Variants in SRPX2 observed in about 807,000 individuals in gnomAD.
SRPX2 encodes the protein sushi repeat containing protein X-linked 2.
SRPX2 carries 26 observed loss-of-function variants against 45.3 expected under a neutral mutation model. The observed-to-expected ratio is 0.57, with a 90% CI of 0.42 to 0.80. SRPX2 has a LOEUF of 0.80. SRPX2 is among the 30% of genes least tolerant of loss of function. The pLI is 0.00. For synonymous variants in SRPX2, 125 were observed against 143.7 expected (o/e 0.87, Z 0.93); for missense variants, 355 against 399.8 (o/e 0.89, Z 0.95).
chrX:100,644,874 G>A (rs1489234419), intron 1 of SRPX2, among the ~76,000 whole-genome samples: 1 of 110,984 alleles, frequency 9.0e-6, no homozygotes, highest in Non-Finnish European at 1.9e-5. Flanking sequence ...GTGGGAGAGG[G>A]GTCAGTGATT....
chrX:100,646,279 G>C lies in SRPX2; in HGVS notation c.-44G>C, dbSNP rs1357490193. The C allele has an allele frequency of 8.7e-7, 1 of 1,145,162 alleles. No individual in the cohort carries two copies. Among genetic ancestry groups the C allele is most frequent in the African/African-American group, 1.8e-5 (1 of 55,885 alleles). 94.4% of individuals were successfully genotyped at this position (1,145,162 alleles called of 1,213,427 possible). ...ACTTTCCTTTGCCCTGGTACTTCAG[G>C]CCATATACATCTTTTCTTGTCTCCA... On this transcript the variant is annotated 5_prime_UTR_variant, in exon 2 of 11. Transcript: ENST00000373004.
intron 10 of SRPX2, 33 bp downstream of exon 10, chrX:100,669,402 A>AGGGGGGGG: frequency 7.3e-5 from 2 of 27,552 alleles, no homozygotes; most frequent in Non-Finnish European, 1.2e-4. Context: ...ACTTGGGGGG[A>AGGGGGGGG]GGGGGGGCTG....
chrX:100,667,246 TCTGA>T (rs2083207560), intron 8 of SRPX2, 24 bp from the exon 9 acceptor site: 1 of 1,210,399 alleles, frequency 8.3e-7, no homozygotes, highest in African/African-American at 1.7e-5. Flanking sequence ...AAAGCCGTAC[TCTGA>T]CTGGTCACCT....
chrX:100,665,652 T>C lies in SRPX2; in HGVS notation c.776T>C (p.Val259Ala). The C allele has an allele frequency of 8.3e-7, 1 of 1,211,780 alleles. No individual in the cohort carries two copies. Reference protein sequence around the residue: ...NRASCKFIVKVQVRRCPTLKP... With the variant: ...NRASCKFIVKAQVRRCPTLKP... ...GCCAGCTGCAAGTTCATTGTGAAAG[T>C]ACAAGGTCAGAAAGAATTATTTAGT... is the stretch of plus-strand genomic sequence containing the variant. The change falls in exon 7 of 11, where the codon GTA becomes GCA. Residue 259 changes from valine to alanine, a missense_variant. Physicochemically the swap from Val to Ala is moderately conservative, Grantham distance 64 (BLOSUM62 0). Coordinates refer to ENST00000373004, the MANE Select transcript of SRPX2 (RefSeq NM_014467.3).
intron 8 of SRPX2, 91 bp from the exon 9 acceptor site, chrX:100,667,183 T>C (rs760239464): frequency 2.0e-5 from 23 of 1,176,587 alleles, no homozygotes; most frequent in Non-Finnish European, 2.7e-5. Context: ...AGAGGTAACC[T>C]GAAAGACTGG....
intron 3 of SRPX2, 155 bp from the exon 4 acceptor site, chrX:100,662,021 T>C (rs771476941): frequency 2.3e-6 from 1 of 430,994 alleles, no homozygotes; most frequent in Non-Finnish European, 4.0e-6. Context: ...TTCCACTTAA[T>C]TGTTTTTGCA....
At chrX:100,654,998 G>C (rs942564424) in intron 3 of SRPX2, among the ~76,000 whole-genome samples, 1 of 111,271 alleles carries the variant, frequency 9.0e-6, no homozygotes, top group Admixed American at 9.6e-5. Flanking sequence ...AACAGAGAAG[G>C]CCCTTTCAAA....
In SRPX2 at chrX:100,650,726, TG is replaced by T. The variant is rs893527502; in HGVS notation, c.83-56del. ...CAAAGTTGGATGAGAGGGGGAAGGT[TG>T]GGAAGGAATTGAGTGAGAAATCAAG... On this transcript the variant is annotated intron_variant, in intron 2 of 10. Coordinates refer to ENST00000373004, the MANE Select transcript of SRPX2 (RefSeq NM_014467.3). The T allele has an allele frequency of 5.1e-5, 55 of 1,085,986 alleles. 1 individual carries two copies. The highest frequency in any genetic ancestry group is 2.4e-4 in the Middle Eastern group (1 of 4,137). The allele number at this position is 1,085,986 out of a possible 1,213,427, so 89.5% of individuals were successfully genotyped here. A position where few individuals can be genotyped will look rare whatever the true frequency, so the allele number is the denominator to read the frequency against.
rs1463730656 is a variant in SRPX2, at chrX:100,674,278, C to T, written c.*3291C>T. On this transcript the variant is annotated 3_prime_UTR_variant, in exon 11 of 11. Coordinates refer to ENST00000373004, the MANE Select transcript of SRPX2 (RefSeq NM_014467.3). ...GATTTCTCAGTGTTCTCCTTAGATA[C>T]CAAATACAAAGGACGAGGGATCAAG... 8.9e-6 allele frequency: 1 copy of T among 112,024 alleles called. No homozygotes were observed. The highest frequency in any genetic ancestry group is 1.9e-5 in the Non-Finnish European group (1 of 53,228). The allele number at this position is 112,024 out of a possible 1,213,427, so 9.2% of individuals were successfully genotyped here. A position where few individuals can be genotyped will look rare whatever the true frequency, so the allele number is the denominator to read the frequency against.
chrX:100,655,866 T>G (rs1269075007), intron 3 of SRPX2, among the ~76,000 whole-genome samples: 5 of 100,210 alleles, frequency 5.0e-5, no homozygotes, highest in African/African-American at 7.2e-5. Context: ...TTTTTTTTTT[T>G]TTTTTTTTTT....
chrX:100,650,248 C>T (rs1204408), intron 2 of SRPX2: 2,527 of 117,580 alleles, frequency 0.021, 73 homozygotes, highest in African/African-American at 0.077. Flanking sequence ...ATGCCACCCC[C>T]AGCAATGGTA....
intron 3 of SRPX2, among the ~76,000 whole-genome samples, chrX:100,655,482 C>T (rs1015223366): frequency 1.8e-5 from 2 of 111,275 alleles, no homozygotes; most frequent in Non-Finnish European, 3.8e-5. Flanking sequence ...TTGAGTCATG[C>T]GGATATATTA....
At chrX:100,657,805 T>C (rs2083175369) in intron 3 of SRPX2, among the ~76,000 whole-genome samples, 1 of 112,363 alleles carries the variant, frequency 8.9e-6, no homozygotes, top group Non-Finnish European at 1.9e-5. Flanking sequence ...TCATGTCCTT[T>C]GCCCAATATT....
At position 100,673,575 on chromosome X, in the gene SRPX2, GTC is replaced by G. The variant is rs1282864355; in HGVS notation, c.*2601_*2602del. On this transcript the variant is annotated 3_prime_UTR_variant, in exon 11 of 11. Coordinates refer to ENST00000373004, the MANE Select transcript of SRPX2 (RefSeq NM_014467.3). ...GCCTATTCCTCTCCCCTATTTCTCT[GTC>G]TCTCTCTCTCTCACATACACACACA... is the stretch of plus-strand genomic sequence containing the variant. 3.7e-5 allele frequency: 4 copies of G among 109,128 alleles called. No individual in the cohort carries two copies. Among genetic ancestry groups the G allele is most frequent in the Non-Finnish European group, 5.7e-5 (3 of 52,461 alleles). 9.0% of individuals were successfully genotyped at this position (109,128 alleles called of 1,213,427 possible).
chrX:100,646,538 T>C (rs756343433), intron 2 of SRPX2, 134 bp downstream of exon 2: 96 of 625,783 alleles, frequency 1.5e-4, no homozygotes, highest in Admixed American at 1.5e-3. Context: ...ACAATAAAGA[T>C]GGTTAAACAT....
rs183497469 is a variant in SRPX2, at chrX:100,674,808, C to G, written c.*3821C>G. On this transcript the variant is annotated 3_prime_UTR_variant, in exon 11 of 11. Transcript: ENST00000373004. ...ATGAGAATAGAAAGGTCAGTTTGAT[C>G]AATGAGTACCAGAAGATGAAACTTA... The G allele has an allele frequency of 5.4e-5, 6 of 111,860 alleles. No individual in the cohort carries two copies. Among genetic ancestry groups the G allele is most frequent in the Non-Finnish European group, 9.4e-5 (5 of 53,196 alleles). 9.2% of individuals were successfully genotyped at this position (111,860 alleles called of 1,213,427 possible).
intron 10 of SRPX2, 83 bp downstream of exon 10, chrX:100,669,452 C>A: frequency 1.1e-6 from 1 of 944,985 alleles, no homozygotes; most frequent in East Asian, 3.4e-5. Flanking sequence ...CTGGCAAAAG[C>A]GGACTATGGG....
At chrX:100,646,607 G>A (rs948272570) in intron 2 of SRPX2, among the ~76,000 whole-genome samples, 1 of 112,276 alleles carries the variant, frequency 8.9e-6, no homozygotes, top group African/African-American at 3.2e-5. Context: ...TTTGAAATAG[G>A]TGAAATAGGC....
At chrX:100,645,791 G>A (rs1354901347) in intron 1 of SRPX2, among the ~76,000 whole-genome samples, 4 of 112,245 alleles carry the variant, frequency 3.6e-5, no homozygotes, top group African/African-American at 1.3e-4. Flanking sequence ...GACAGAATTG[G>A]ATTCACATCC....
Sources: gnomAD v4.1 joint callset for allele counts (sites outside exome capture counted in the v4.1 genomes callset) on GRCh38, gnomAD v4.1.1 for gene constraint, MANE v1.5 for transcripts, NCBI Gene and HGNC (gene_info 2026-07-23, HGNC 2026-07-21) for gene names.